Variants in PPIG observed in about 807,000 individuals in gnomAD.
PPIG encodes peptidyl-prolyl cis-trans isomerase G.
In PPIG, 26 loss-of-function variants were observed where a neutral mutation model predicts 87.9. The observed-to-expected ratio is 0.30, with a 90% CI of 0.22 to 0.41. The LOEUF (loss-of-function observed/expected upper bound fraction) is 0.41. Ranked by LOEUF, PPIG falls within the 10% of genes least tolerant of loss-of-function variation. The pLI, the probability that PPIG is intolerant of heterozygous loss-of-function variation, is 1.00. For synonymous variants in PPIG, 308 were observed against 276.5 expected (o/e 1.11, Z -1.13); for missense variants, 722 against 879.4 (o/e 0.82, Z 2.26).
In PPIG at chr2:169,639,148, CAATG is replaced by C. The variant is rs1212109676; in HGVS notation, c.*1629_*1632del. The C allele has an allele frequency of 2.0e-5, 3 of 151,906 alleles. No homozygotes were observed. The highest frequency in any genetic ancestry group is 6.6e-5 in the Admixed American group (1 of 15,240). The allele number at this position is 151,906 out of a possible 1,614,324, so 9.4% of individuals were successfully genotyped here. A position where few individuals can be genotyped will look rare whatever the true frequency, so the allele number is the denominator to read the frequency against. Reference sequence around the variant, plus strand: ...TGGAAAATTGTAATACAGATATCCACAATGAATTCTTTCCAAAATTTTTTTTTCC... The same window carrying C: ...TGGAAAATTGTAATACAGATATCCACAATTCTTTCCAAAATTTTTTTTTCC... On this transcript the variant is annotated 3_prime_UTR_variant, in exon 14 of 14. Coordinates refer to ENST00000260970, the MANE Select transcript of PPIG (RefSeq NM_004792.3).
At chr2:169,618,822 ATTGATT>A (rs1449995147) in intron 9 of PPIG, among the ~76,000 whole-genome samples, 1 of 114,824 alleles carries the variant, frequency 8.7e-6, no homozygotes, top group East Asian at 2.1e-4. Context: ...TTCTGGATTC[ATTGATT>A]TTTTTTTTTT....
Position 169,636,990 on chromosome 2 carries a change from A to G in PPIG, c.1732A>G (p.Arg578Gly), listed in dbSNP as rs1393781650. The G allele has an allele frequency of 6.2e-7, 1 of 1,613,992 alleles. No homozygotes were observed. The highest frequency in any genetic ancestry group is 1.7e-5 in the Admixed American group (1 of 59,976). Residue 578 changes from arginine (R) to glycine (G), a missense_variant, in exon 14 of 14, where the codon AGA becomes GGA. By Grantham distance (125) the Arg-to-Gly change is moderately radical. Coordinates refer to ENST00000260970, the MANE Select transcript of PPIG (RefSeq NM_004792.3). ...SRDRSRRVRS[R>G]THDRDRSRSK... ...GGACAGAAGCAGAAGAGTGCGATCAAGAACCCATGACAGAGATCGCAGCAG... is the reference window on the plus strand; with the variant it reads ...GGACAGAAGCAGAAGAGTGCGATCAGGAACCCATGACAGAGATCGCAGCAG...
chr2:169,636,387 C>A, intron 13 of PPIG, 26 bp from the exon 14 acceptor site: 1 of 1,494,304 alleles, frequency 6.7e-7, no homozygotes, highest in South Asian at 1.4e-5. Flanking sequence ...AATAACATTT[C>A]CCCAATTCTT....
chr2:169,638,563 A>T lies in PPIG; in HGVS notation c.*1040A>T, dbSNP rs1275067846. ...GCTGTGAGTTCCAAATGGCAAGAAA[A>T]TGCATCTTTTCTATATATGTATCAC... On this transcript the variant is annotated 3_prime_UTR_variant, in exon 14 of 14. Transcript: ENST00000260970. 1 of 151,976 alleles carries T rather than the reference A, an allele frequency of 6.6e-6. No homozygotes were observed. The allele number at this position is 151,976 out of a possible 1,614,324, so 9.4% of individuals were successfully genotyped here.
chr2:169,620,259 A>G (rs1038507139), intron 9 of PPIG, among the ~76,000 whole-genome samples: 2 of 152,044 alleles, frequency 1.3e-5, no homozygotes, highest in African/African-American at 2.4e-5. Context: ...TGATTTTTAT[A>G]TGCATTATAA....
intron 5 of PPIG, among the ~76,000 whole-genome samples, chr2:169,606,759 A>T (rs943365184): frequency 2.0e-5 from 3 of 152,070 alleles, no homozygotes; most frequent in African/African-American, 7.2e-5. Flanking sequence ...TACAATAAAA[A>T]TTTTTACTTT....
chr2:169,592,495 G>A (rs1252840221), intron 1 of PPIG, among the ~76,000 whole-genome samples: 4 of 151,840 alleles, frequency 2.6e-5, no homozygotes, highest in African/African-American at 9.7e-5. Flanking sequence ...TAGGGGAGAC[G>A]GGGTTTCACC....
rs1030180883 is a variant in PPIG at position 169,636,359 on chromosome 2, A to G, written c.1155-54A>G. On this transcript the variant is annotated intron_variant, in intron 13 of 13. Coordinates refer to ENST00000260970, the MANE Select transcript of PPIG (RefSeq NM_004792.3). ...GTAGAATATCATTTTAGCTAATAAT[A>G]TCTACAGTTCTTTTCCTAATAACAT... is the stretch of plus-strand genomic sequence containing the variant. The G allele has an allele frequency of 4.1e-6, 6 of 1,474,620 alleles. No homozygotes were observed. The African/African-American group carries it at 7.1e-5, about 17-fold the overall frequency. 91.3% of individuals were successfully genotyped at this position (1,474,620 alleles called of 1,614,324 possible). A position where few individuals can be genotyped will look rare whatever the true frequency, so the allele number is the denominator to read the frequency against.
At position 169,633,301 on chromosome 2, in the gene PPIG, A is replaced by G. The variant is rs752900904; in HGVS notation, c.1017+54A>G. ...ACAATATTGCATTTGTCTTCCTTAA[A>G]TAATTTTAGGGTGTTTCTTAAATAT... is the stretch of plus-strand genomic sequence containing the variant. On this transcript the variant is annotated intron_variant, in intron 12 of 13. Transcript: ENST00000260970. 1.1e-5 allele frequency: 15 copies of G among 1,337,014 alleles called. No homozygotes were observed. Among genetic ancestry groups the G allele is most frequent in the Admixed American group, 1.8e-5 (1 of 57,000 alleles). 82.8% of individuals were successfully genotyped at this position (1,337,014 alleles called of 1,614,324 possible).
intron 9 of PPIG, among the ~76,000 whole-genome samples, chr2:169,626,127 G>A (rs1685881250): frequency 6.6e-6 from 1 of 152,138 alleles, no homozygotes; most frequent in African/African-American, 2.4e-5. Context: ...TAATACTTGT[G>A]ACTTTGAGAA....
At chr2:169,633,099 C>A in intron 11 of PPIG, 61 bp from the exon 12 acceptor site, 1 of 1,244,254 alleles carries the variant, frequency 8.0e-7, no homozygotes, top group Non-Finnish European at 1.2e-6. Flanking sequence ...ATTAAAGTAA[C>A]ATGTCTGGCC....
intron 1 of PPIG, among the ~76,000 whole-genome samples, chr2:169,593,906 C>T (rs552195183): frequency 7.4e-4 from 112 of 151,298 alleles, no homozygotes; most frequent in African/African-American, 2.4e-3. Flanking sequence ...CTGCCTGCCT[C>T]GGGCTCCCAA....
At chr2:169,586,051 C>T (rs1169617686) in intron 1 of PPIG, among the ~76,000 whole-genome samples, 1 of 152,012 alleles carries the variant, frequency 6.6e-6, no homozygotes, top group Non-Finnish European at 1.5e-5. Flanking sequence ...GAAAATTTAC[C>T]CGTTTTAGCA....
chr2:169,593,951 G>A (rs773039784), intron 1 of PPIG, among the ~76,000 whole-genome samples: 34 of 151,728 alleles, frequency 2.2e-4, no homozygotes, highest in Non-Finnish European at 3.8e-4. Flanking sequence ...CACCACGCCC[G>A]GCCCACTGTT....
rs115150983 is a variant in PPIG at position 169,636,123 on chromosome 2, G to C, written c.1049G>C (p.Arg350Thr). The C allele has an allele frequency of 7.5e-6, 12 of 1,606,142 alleles. No homozygotes were observed. The highest frequency in any genetic ancestry group is 1.0e-5 in the Non-Finnish European group (12 of 1,177,404). Residue 350 changes from arginine to threonine, a missense_variant, in exon 13 of 14, where the codon AGG becomes ACG. This residue lies in a region of PPIG where 476 missense variants were observed against 483.1 expected (regional missense o/e 0.99). Transcript: ENST00000260970. ...CGAACTCCTTCCAGATCCAGATCAA[G>C]GGATCGTTTCAGACGTAGTGAGACT... ...RYRTPSRSRS[R>T]DRFRRSETPP...
intron 9 of PPIG, among the ~76,000 whole-genome samples, chr2:169,616,677 C>A (rs191435545): frequency 6.6e-6 from 1 of 151,994 alleles, no homozygotes; most frequent in Non-Finnish European, 1.5e-5. Context: ...ATCCTTTGCC[C>A]GCTTTTTGAT....
intron 12 of PPIG, among the ~76,000 whole-genome samples, chr2:169,635,723 T>C (rs903538899): frequency 2.0e-5 from 3 of 152,342 alleles, no homozygotes; most frequent in South Asian, 4.1e-4. Flanking sequence ...TGGCAACTTA[T>C]GAGTTGCTCT....
At chr2:169,591,651 A>G (rs1211078047) in intron 1 of PPIG, among the ~76,000 whole-genome samples, 1 of 152,154 alleles carries the variant, frequency 6.6e-6, no homozygotes, top group Non-Finnish European at 1.5e-5. Flanking sequence ...GAGGTCAAGT[A>G]GACAATAAAT....
At position 169,598,869 on chromosome 2, in the gene PPIG, A is replaced by G. The variant is rs7594304; in HGVS notation, c.-69-4773A>G. On this transcript the variant is annotated intron_variant, in intron 1 of 13. Transcript: ENST00000260970. ...TATATAAATACAGGTAAATATATTT[A>G]TATAAATACAGGTAAATATATTTAT... Among the ~76,000 whole-genome samples, 95 of 148,072 alleles carry G rather than the reference A, an allele frequency of 6.4e-4. 1 individual carries two copies. The East Asian group carries it at 0.012, about 19-fold the overall frequency.
Sources: gnomAD v4.1 joint callset for allele counts (sites outside exome capture counted in the v4.1 genomes callset) on GRCh38, gnomAD v4.1.1 for gene constraint, gnomAD v4.1.1 regional missense constraint, MANE v1.5 for transcripts, NCBI Gene and HGNC (gene_info 2026-07-23, HGNC 2026-07-21) for gene names.